Variants in ABCD3 observed in about 807,000 individuals in gnomAD.
The protein encoded by ABCD3 is ATP-binding cassette sub-family D member 3.
In ABCD3, 41 loss-of-function variants were observed where a neutral mutation model predicts 105.5. The ratio of observed to expected loss-of-function variants is 0.39; its 90% CI spans 0.30 to 0.50. The LOEUF is 0.50. ABCD3 is among the 20% of genes least tolerant of loss of function. The pLI, the probability that ABCD3 is intolerant of heterozygous loss-of-function variation, is 0.84. For synonymous variants in ABCD3, 258 were observed against 269.0 expected (o/e 0.96, Z 0.40); for missense variants, 622 against 806.3 (o/e 0.77, Z 2.77).
At chr1:94,514,741 T>G (rs1650848170) in intron 21 of ABCD3, 1 of 172,334 alleles carries the variant, frequency 5.8e-6, no homozygotes, top group African/African-American at 2.4e-5. Context: ...AAACAGTAGT[T>G]TACGGTAGGG....
At chr1:94,388,225 C>A in the ABCD3 span, among the ~76,000 whole-genome samples, 7 of 152,116 alleles carry the variant, frequency 4.6e-5, no homozygotes, top group Non-Finnish European at 4.4e-5. Context: ...TCTATGAACG[C>A]CTTTGAATTA....
chr1:94,511,929 T>C (rs909264366), intron 21 of ABCD3, among the ~76,000 whole-genome samples: 38 of 152,142 alleles, frequency 2.5e-4, no homozygotes, highest in Admixed American at 2.3e-3. Context: ...TCTTTGCCTT[T>C]GGTTTGAATT....
chr1:94,442,074 G>A (rs955732087), intron 1 of ABCD3, among the ~76,000 whole-genome samples: 1 of 152,076 alleles, frequency 6.6e-6, no homozygotes, highest in African/African-American at 2.4e-5. Context: ...GATGGCTTAG[G>A]AAAAAATGCA....
chr1:94,393,990 A>G, the ABCD3 span, among the ~76,000 whole-genome samples: 12 of 152,298 alleles, frequency 7.9e-5, no homozygotes, highest in South Asian at 6.2e-4. Context: ...ATGCTCAAAG[A>G]TGGTATAGGT....
the ABCD3 span, among the ~76,000 whole-genome samples, chr1:94,398,185 C>T: frequency 6.6e-6 from 1 of 152,048 alleles, no homozygotes; most frequent in Non-Finnish European, 1.5e-5. Context: ...CTTTTTATTT[C>T]TATATCATCT....
At chr1:94,409,065 T>C in the ABCD3 span, among the ~76,000 whole-genome samples, 8 of 152,040 alleles carry the variant, frequency 5.3e-5, no homozygotes, top group Non-Finnish European at 1.2e-4. Context: ...CTGAATCATA[T>C]ATCATCTGGG....
chr1:94,445,814 G>A (rs969748799), intron 1 of ABCD3, among the ~76,000 whole-genome samples: 5 of 152,298 alleles, frequency 3.3e-5, no homozygotes, highest in South Asian at 2.1e-4. Flanking sequence ...AGGATATAGC[G>A]TTGCGGTTAT....
intron 21 of ABCD3, among the ~76,000 whole-genome samples, chr1:94,510,070 A>G (rs1650585531): frequency 6.6e-6 from 1 of 151,756 alleles, no homozygotes. Flanking sequence ...TAGTTCTTTT[A>G]ATTGTGATGT....
intron 2 of ABCD3, among the ~76,000 whole-genome samples, chr1:94,463,801 A>G (rs1324010605): frequency 2.0e-5 from 3 of 152,212 alleles, no homozygotes; most frequent in Non-Finnish European, 4.4e-5. Context: ...CACTCACAGT[A>G]AGCTCTCAAT....
At chr1:94,510,145 C>G (rs571306368) in intron 21 of ABCD3, among the ~76,000 whole-genome samples, 1 of 152,126 alleles carries the variant, frequency 6.6e-6, no homozygotes, top group African/African-American at 2.4e-5. Context: ...AAATTTCCCT[C>G]TACACACTGC....
At chr1:94,512,918 T>G (rs1359121214) in intron 21 of ABCD3, among the ~76,000 whole-genome samples, 2 of 152,086 alleles carry the variant, frequency 1.3e-5, no homozygotes, top group Non-Finnish European at 2.9e-5. Flanking sequence ...ATTGAGTATA[T>G]ATATTATGAA....
intron 7 of ABCD3, among the ~76,000 whole-genome samples, chr1:94,477,575 C>CA (rs59572524): frequency 0.37 from 55,656 of 148,646 alleles, 11,417 homozygotes; most frequent in Middle Eastern, 0.55. Context: ...GACCCTGTCT[C>CA]AAAAAAAAAA....
chr1:94,388,613 G>A, the ABCD3 span, among the ~76,000 whole-genome samples: 125 of 152,238 alleles, frequency 8.2e-4, no homozygotes, highest in African/African-American at 2.8e-3. Flanking sequence ...CTGTGGCCGA[G>A]GTGATAAAGT....
At chr1:94,452,059 A>G (rs1219813292) in intron 1 of ABCD3, among the ~76,000 whole-genome samples, 3 of 152,194 alleles carry the variant, frequency 2.0e-5, no homozygotes, top group Non-Finnish European at 2.9e-5. Flanking sequence ...TTGGGTGCCT[A>G]ATACATTCTA....
At chr1:94,462,802 C>T (rs1226330567) in intron 2 of ABCD3, among the ~76,000 whole-genome samples, 1 of 152,032 alleles carries the variant, frequency 6.6e-6, no homozygotes. Flanking sequence ...AAGGGTGTTG[C>T]CTACAGGTAA....
chr1:94,464,935 G>A (rs1429020989), intron 3 of ABCD3, 62 bp downstream of exon 3: 2 of 1,328,320 alleles, frequency 1.5e-6, no homozygotes, highest in African/African-American at 1.4e-5. Flanking sequence ...AATACCTGAG[G>A]CTGGGTAATT....
At chr1:94,411,671 T>G in the ABCD3 span, among the ~76,000 whole-genome samples, 1 of 152,186 alleles carries the variant, frequency 6.6e-6, no homozygotes, top group Non-Finnish European at 1.5e-5. Flanking sequence ...CCTAGTTATA[T>G]ACCCCTCCCA....
chr1:94,424,949 T>C (rs939438222), intron 1 of ABCD3, among the ~76,000 whole-genome samples: 1 of 152,234 alleles, frequency 6.6e-6, no homozygotes, highest in Non-Finnish European at 1.5e-5. Flanking sequence ...TAGTAGACAC[T>C]CATATTTGTT....
intron 21 of ABCD3, chr1:94,514,094 A>G (rs1280836101): frequency 6.6e-6 from 1 of 152,066 alleles, no homozygotes; most frequent in Non-Finnish European, 1.5e-5. Context: ...AAATAAAATT[A>G]AGAAACCATG....
Sources: allele counts gnomAD v4.1 joint callset (sites outside exome capture counted in the v4.1 genomes callset), GRCh38; gene constraint gnomAD v4.1.1; transcripts MANE v1.5; gene names NCBI Gene and HGNC (gene_info 2026-07-23, HGNC 2026-07-21).